The following TOX4 variants were observed in gnomAD, a reference collection of about 807,000 sequenced individuals.
TOX4 encodes TOX high mobility group box family member 4.
A neutral mutation model predicts 61.0 loss-of-function variants in TOX4; 12 were observed. The observed-to-expected ratio is 0.20, with a 90% CI of 0.13 to 0.32. The LOEUF is 0.32. Ranked by LOEUF, TOX4 falls within the 10% of genes least tolerant of loss-of-function variation. TOX4 has a pLI of 1.00. For synonymous variants in TOX4, 268 were observed against 274.8 expected (o/e 0.98, Z 0.24); for missense variants, 499 against 753.3 (o/e 0.66, Z 3.95).
At chr14:21,495,019 G>T (rs917861970) in intron 7 of TOX4, among the ~76,000 whole-genome samples, 2 of 152,066 alleles carry the variant, frequency 1.3e-5, no homozygotes, top group African/African-American at 4.8e-5. Context: ...TTCTCCTGAT[G>T]GGAAGAATCT....
At chr14:21,478,924 C>T (rs1459680477) in intron 2 of TOX4, among the ~76,000 whole-genome samples, 4 of 151,872 alleles carry the variant, frequency 2.6e-5, no homozygotes, top group Non-Finnish European at 5.9e-5. Context: ...CTGCCTCAAC[C>T]TCCCAAGTAG....
At position 21,497,462 on chromosome 14, in the gene TOX4, C is replaced by A. The variant is rs1463728061; in HGVS notation, c.*856C>A. 2.6e-5 allele frequency: 4 copies of A among 151,834 alleles called. No individual in the cohort carries two copies. Among genetic ancestry groups the A allele is most frequent in the Admixed American group, 2.6e-4 (4 of 15,240 alleles). The allele number at this position is 151,834 out of a possible 1,614,324, so 9.4% of individuals were successfully genotyped here. On this transcript the variant is annotated 3_prime_UTR_variant, in exon 9 of 9. Coordinates refer to ENST00000448790, the MANE Select transcript of TOX4 (RefSeq NM_014828.4). The stretch of plus-strand genomic sequence containing the variant: ...GGAATGCTGTCCTAGAGAACCTCCT[C>A]CTCAACCAGCTACGTACATAGTTTT...
chr14:21,492,191 T>G, intron 5 of TOX4, 105 bp from the exon 6 acceptor site: 1 of 1,101,292 alleles, frequency 9.1e-7, no homozygotes, highest in South Asian at 1.5e-5. Flanking sequence ...TGTCAGTGAT[T>G]AGACTAAGAT....
Position 21,492,679 on chromosome 14 carries a change from G to C in TOX4, c.1063G>C (p.Ala355Pro), listed in dbSNP as rs1200228478. Residue 355 changes from alanine to proline, a missense_variant, in exon 7 of 9, where the codon GCA (alanine) becomes CCA (proline). By Grantham distance (27) the Ala-to-Pro change is conservative. Around this residue, in one of 7 missense-constraint regions of TOX4, gnomAD observed 296 missense variants for 404.7 expected, o/e 0.73. Transcript: ENST00000448790. ...STLSSYVANQ[A>P]SSGAGGQPNI... Reference sequence around the variant, plus strand: ...CCTTTCATCCTATGTGGCAAACCAGGCATCTTCTGGAGCTGGGGGTCAGCC... The same window carrying C: ...CCTTTCATCCTATGTGGCAAACCAGCCATCTTCTGGAGCTGGGGGTCAGCC... The C allele has an allele frequency of 6.2e-7, 1 of 1,613,806 alleles. No individual in the cohort carries two copies. The highest frequency in any genetic ancestry group is 8.5e-7 in the Non-Finnish European group (1 of 1,180,020).
At position 21,489,202 on chromosome 14, in the gene TOX4, G is replaced by A. The variant is rs1377050084; in HGVS notation, c.609G>A (p.Val203=). 1 of 1,614,040 alleles carries A rather than the reference G, an allele frequency of 6.2e-7. No homozygotes were observed. Among genetic ancestry groups the A allele is most frequent in the Admixed American group, 1.7e-5 (1 of 59,992 alleles). Residue 203 remains valine, a synonymous_variant, in exon 5 of 9, where the codon GTG becomes GTA. Coordinates refer to ENST00000448790, the MANE Select transcript of TOX4 (RefSeq NM_014828.4). ...TTCCCAGCCAGAAGACAGTCGTGGT[G>A]GAAGCAGGGAAAAAGCAGAAGGCCC... ...RQLPSQKTVV[V]EAGKKQKAPK...
intron 4 of TOX4, 31 bp downstream of exon 4, chr14:21,488,881 C>T (rs1269606689): frequency 1.2e-6 from 2 of 1,607,208 alleles, no homozygotes; most frequent in African/African-American, 2.7e-5. Flanking sequence ...ATCAATTCTG[C>T]TGTGATAGTC....
intron 8 of TOX4, 103 bp from the exon 9 acceptor site, chr14:21,496,443 C>G: frequency 1.0e-6 from 1 of 997,560 alleles, no homozygotes. Flanking sequence ...AGGAGAATGG[C>G]GTGAACCCAT....
intron 2 of TOX4, among the ~76,000 whole-genome samples, chr14:21,477,832 T>A (rs1409127212): frequency 1.3e-5 from 2 of 152,226 alleles, no homozygotes; most frequent in Non-Finnish European, 2.9e-5. Flanking sequence ...AGAGTGGAAT[T>A]GTCTCCTTTC....
rs1891243797 is a variant in TOX4, at chr14:21,489,211, G to A, written c.618G>A (p.Gly206=). The change falls in exon 5 of 9, where the codon GGG becomes GGA. Residue 206 remains glycine, a synonymous_variant. Transcript: ENST00000448790. The part of the protein sequence containing the change: ...PSQKTVVVEA[G]KKQKAPKKRK... ...AGAAGACAGTCGTGGTGGAAGCAGG[G>A]AAAAAGCAGAAGGCCCCAAAGAAGA... 2.5e-6 allele frequency: 4 copies of A among 1,613,990 alleles called. No homozygotes were observed. Among genetic ancestry groups the A allele is most frequent in the African/African-American group, 1.3e-5 (1 of 74,914 alleles).
chr14:21,477,391 C>T (rs1891012492), intron 1 of TOX4, 105 bp from the exon 2 acceptor site: 5 of 1,610,494 alleles, frequency 3.1e-6, no homozygotes, highest in South Asian at 1.1e-5. Flanking sequence ...GGAGAGAGAG[C>T]GGGGTTTGGG....
intron 2 of TOX4, among the ~76,000 whole-genome samples, chr14:21,479,447 G>C (rs913088562): frequency 6.6e-6 from 1 of 151,848 alleles, no homozygotes; most frequent in Non-Finnish European, 1.5e-5. Context: ...TCAGGAGTTC[G>C]AGACCAGCCT....
chr14:21,483,603 A>T (rs1467535889), intron 2 of TOX4, among the ~76,000 whole-genome samples: 1 of 151,990 alleles, frequency 6.6e-6, no homozygotes, highest in Non-Finnish European at 1.5e-5. Flanking sequence ...CTTGAGCCCA[A>T]GAGTTCAAGG....
intron 5 of TOX4, among the ~76,000 whole-genome samples, chr14:21,491,382 CAG>C (rs528803894): frequency 3.3e-3 from 497 of 151,930 alleles, no homozygotes; most frequent in African/African-American, 0.011. Flanking sequence ...TTTTTTGAGA[CAG>C]AGTCTCACTG....
chr14:21,488,386 G>C (rs1210620828), intron 3 of TOX4: 2 of 575,478 alleles, frequency 3.5e-6, no homozygotes, highest in African/African-American at 1.9e-5. Flanking sequence ...TTCTTCTTTT[G>C]AGTGCAAAGA....
rs1891174240 is a variant in TOX4, at chr14:21,485,156, C to T, written c.76-2295C>T. Among the ~76,000 whole-genome samples, 4 of 106,336 alleles carry T rather than the reference C, an allele frequency of 3.8e-5. 2 individuals are homozygous for T. The highest frequency in any genetic ancestry group is 8.3e-5 in the Non-Finnish European group (4 of 48,284). 69.8% of individuals were successfully genotyped at this position (106,336 alleles called of 152,430 possible). On this transcript the variant is annotated intron_variant, in intron 2 of 8. Transcript: ENST00000448790. Reference sequence around the variant, plus strand: ...CATGGCCAGGCGTGGTGGCTCACGCCTGTGATCTCAGCACTTTGGGAGGCC... The same window carrying T: ...CATGGCCAGGCGTGGTGGCTCACGCTTGTGATCTCAGCACTTTGGGAGGCC...
rs530869529 is a variant in TOX4, at chr14:21,498,070, T to TAATA, written c.*1465_*1468dup. 2.6e-5 allele frequency: 15 copies of TAATA among 577,664 alleles called. No homozygotes were observed. Among genetic ancestry groups the TAATA allele is most frequent in the Non-Finnish European group, 4.6e-5 (15 of 326,022 alleles). The allele number at this position is 577,664 out of a possible 1,614,324, so 35.8% of individuals were successfully genotyped here. ...TGAGGTAATACTCCCATTTCACATA[T>TAATA]AATACTGAGAGATGAGTTGCACAAG... On this transcript the variant is annotated 3_prime_UTR_variant, in exon 9 of 9. Coordinates refer to ENST00000448790, the MANE Select transcript of TOX4 (RefSeq NM_014828.4).
At position 21,496,939 on chromosome 14, in the gene TOX4, ATAT is replaced by A. The variant is rs565993343; in HGVS notation, c.*339_*341del. The A allele has an allele frequency of 4.3e-4, 103 of 240,796 alleles. No homozygotes were observed. Among genetic ancestry groups the A allele is most frequent in the African/African-American group, 2.1e-3 (91 of 44,364 alleles). 14.9% of individuals were successfully genotyped at this position (240,796 alleles called of 1,614,324 possible). ...ATAATTGTCATAGGACTTGCCTAAA[ATAT>A]TATTAAAATTACGGGAGTGTACTCA... On this transcript the variant is annotated 3_prime_UTR_variant, in exon 9 of 9. Transcript: ENST00000448790.
chr14:21,487,731 T>C, intron 3 of TOX4, 38 bp downstream of exon 3: 1 of 1,583,094 alleles, frequency 6.3e-7, no homozygotes, highest in Non-Finnish European at 8.6e-7. Flanking sequence ...CCCCAGCTAA[T>C]GGGCATGGCA....
chr14:21,498,881 G>C lies in TOX4; in HGVS notation c.*2275G>C, dbSNP rs1229946739. The C allele has an allele frequency of 8.0e-6, 5 of 628,446 alleles. No individual in the cohort carries two copies. Among genetic ancestry groups the C allele is most frequent in the Non-Finnish European group, 1.4e-5 (5 of 355,190 alleles). 38.9% of individuals were successfully genotyped at this position (628,446 alleles called of 1,614,324 possible). Reference sequence around the variant, plus strand: ...AATATTTGTAGAATCTCATAAAACAGTTTAAATACAAGCTTAAGTGGCTTA... The same window carrying C: ...AATATTTGTAGAATCTCATAAAACACTTTAAATACAAGCTTAAGTGGCTTA... On this transcript the variant is annotated 3_prime_UTR_variant, in exon 9 of 9. Coordinates refer to ENST00000448790, the MANE Select transcript of TOX4 (RefSeq NM_014828.4).
Sources: allele counts gnomAD v4.1 joint callset (sites outside exome capture counted in the v4.1 genomes callset), GRCh38; gene constraint gnomAD v4.1.1; regional missense constraint gnomAD v4.1.1; transcripts MANE v1.5; gene names NCBI Gene and HGNC (gene_info 2026-07-23, HGNC 2026-07-21).